Variants in LAMA2 observed in about 807,000 individuals in gnomAD.
The protein encoded by LAMA2 is laminin subunit alpha 2, also known as laminin subunit alpha-2.
LAMA2 carries 269 observed loss-of-function variants against 364.8 expected under a neutral mutation model. That is an observed-to-expected ratio of 0.74 (90% CI 0.67 to 0.82). LAMA2 has a LOEUF of 0.82. Ranked by LOEUF, LAMA2 falls within the 40% of genes least tolerant of loss-of-function variation. The pLI, the probability that LAMA2 is intolerant of heterozygous loss-of-function variation, is 0.00. For synonymous variants in LAMA2, 1,379 were observed against 1,370.6 expected, an observed-to-expected ratio of 1.01 and a Z score of -0.14; for missense variants, 3,807 against 3,873.2, an observed-to-expected ratio of 0.98 and a Z score of 0.45.
chr6:128,961,075 G>A (rs933480576), intron 1 of LAMA2, among the ~76,000 whole-genome samples: 14 of 151,218 alleles, frequency 9.3e-5, no homozygotes, highest in African/African-American at 3.2e-4. Context: ...ATATCCTCTC[G>A]GTAGGCTATT....
At chr6:129,322,595 A>C (rs541520255) in intron 28 of LAMA2, among the ~76,000 whole-genome samples, 17 of 152,308 alleles carry the variant, frequency 1.1e-4, no homozygotes, top group African/African-American at 3.8e-4. Flanking sequence ...AAGTTCTAAA[A>C]TTCTCTGATT....
chr6:128,895,108 G>GGTCTA (rs986395597), intron 1 of LAMA2, among the ~76,000 whole-genome samples: 31 of 152,224 alleles, frequency 2.0e-4, no homozygotes, highest in African/African-American at 7.0e-4. Context: ...TTTTACCTCA[G>GGTCTA]GTCTAGTCTA....
At position 129,502,696 on chromosome 6, in the gene LAMA2, T is replaced by C. The variant is rs115650537; in HGVS notation, c.8282T>C (p.Ile2761Thr). The C allele has an allele frequency of 1.6e-4, 266 of 1,614,016 alleles. No individual in the cohort carries two copies. The African/African-American group carries it at 3.3e-3, about 20-fold the overall frequency. Residue 2761 changes from isoleucine (I) to threonine (T), a missense_variant, in exon 59 of 65, where the codon ATA becomes ACA. By Grantham distance (89) the Ile-to-Thr change is moderately conservative. This residue lies in a region of LAMA2 where 3,333 missense variants were observed against 3,345.7 expected (regional missense o/e 1.00). Transcript: ENST00000421865. ...GCAGAATCAGAACCAGCTCTTTTGA[T>C]AGGGAGCAAGCAGTTCGGGCTTTCA... ...CAAESEPALL[I>T]GSKQFGLSRN...
chr6:129,092,814 A>G lies in LAMA2; in HGVS notation c.397-5359A>G, dbSNP rs150484284. Among the ~76,000 whole-genome samples, 1,176 of 152,294 alleles carry G rather than the reference A, an allele frequency of 7.7e-3. 17 individuals are homozygous for G. Among genetic ancestry groups the G allele is most frequent in the African/African-American group, 0.027 (1,134 of 41,556 alleles). On this transcript the variant is annotated intron_variant, in intron 3 of 64. Coordinates refer to ENST00000421865, the MANE Select transcript of LAMA2 (RefSeq NM_000426.4). ...CTTCCATAGAGAGTGACCTTCATTA[A>G]TATTTTTTACGGCTTTTGTGGAGAT...
Position 129,315,336 on chromosome 6 carries a change from T to C in LAMA2, c.3556-140T>C, listed in dbSNP as rs986245878. The C allele has an allele frequency of 5.6e-6, 4 of 716,420 alleles. No individual in the cohort carries two copies. The African/African-American group carries it at 7.1e-5, about 13-fold the overall frequency. 44.4% of individuals were successfully genotyped at this position (716,420 alleles called of 1,614,324 possible). A position where few individuals can be genotyped will look rare whatever the true frequency, so the allele number is the denominator to read the frequency against. Reference sequence around the variant, plus strand: ...TTTACGTCCTGCCATGCTTGCCCACTGCGTGTGAGTTCTGTTGCTTGTGAG... The same window carrying C: ...TTTACGTCCTGCCATGCTTGCCCACCGCGTGTGAGTTCTGTTGCTTGTGAG... On this transcript the variant is annotated intron_variant, in intron 24 of 64. Transcript: ENST00000421865.
chr6:129,358,444 T>C (rs1440746506), intron 32 of LAMA2, among the ~76,000 whole-genome samples: 1 of 152,016 alleles, frequency 6.6e-6, no homozygotes, highest in Non-Finnish European at 1.5e-5. Flanking sequence ...ATTTCTACTC[T>C]GGCAAGGCTC....
chr6:129,439,666 A>C (rs1469070523), intron 42 of LAMA2, among the ~76,000 whole-genome samples: 1 of 151,998 alleles, frequency 6.6e-6, no homozygotes, highest in Non-Finnish European at 1.5e-5. Context: ...GTTATTTTAA[A>C]GATACTACTT....
intron 1 of LAMA2, among the ~76,000 whole-genome samples, chr6:128,942,155 G>A (rs772421070): frequency 1.6e-4 from 24 of 151,856 alleles, no homozygotes; most frequent in Admixed American, 3.9e-4. Flanking sequence ...GCTCTGTTTC[G>A]GACATTAAGC....
chr6:129,244,136 G>A (rs1785582396), intron 12 of LAMA2, among the ~76,000 whole-genome samples: 1 of 152,018 alleles, frequency 6.6e-6, no homozygotes. Flanking sequence ...ATGCATTAAG[G>A]ATGATGTAAC....
intron 29 of LAMA2, among the ~76,000 whole-genome samples, chr6:129,339,917 C>T (rs1294763007): frequency 3.3e-5 from 5 of 151,614 alleles, no homozygotes; most frequent in African/African-American, 9.7e-5. Flanking sequence ...GCAGGAGAAT[C>T]GCTTGAACCT....
At chr6:129,129,111 C>A (rs1777296896) in intron 4 of LAMA2, among the ~76,000 whole-genome samples, 1 of 152,174 alleles carries the variant, frequency 6.6e-6, no homozygotes, top group Admixed American at 6.5e-5. Flanking sequence ...GAATTTTATA[C>A]TTCTACTCTG....
intron 28 of LAMA2, among the ~76,000 whole-genome samples, chr6:129,321,548 C>T (rs1774968428): frequency 1.3e-5 from 2 of 152,136 alleles, no homozygotes; most frequent in South Asian, 4.1e-4. Flanking sequence ...GGCTGGTGCT[C>T]ACAGCATACC....
At position 128,966,414 on chromosome 6, in the gene LAMA2, C is replaced by T. The variant is rs116381571; in HGVS notation, c.112+83057C>T. 9.3e-3 allele frequency among the ~76,000 whole-genome samples: 1,420 copies of T among 152,124 alleles called. 29 individuals carry two copies. The highest frequency in any genetic ancestry group is 0.033 in the African/African-American group (1,369 of 41,530). On this transcript the variant is annotated intron_variant, in intron 1 of 64. Transcript: ENST00000421865. ...AATTTCTACCTTCTGTGAACAACTT[C>T]TTGAAGACTGTTCTGTTGCTCTTGG...
chr6:129,473,818 C>T (rs1028044810), intron 52 of LAMA2, among the ~76,000 whole-genome samples: 1 of 151,924 alleles, frequency 6.6e-6, no homozygotes, highest in Admixed American at 6.6e-5. Context: ...AATACAAGAA[C>T]TATATTAGTT....
chr6:129,043,758 T>C (rs1424447842), intron 1 of LAMA2, among the ~76,000 whole-genome samples: 3 of 152,210 alleles, frequency 2.0e-5, no homozygotes, highest in African/African-American at 7.2e-5. Context: ...TATGTTCCTC[T>C]GAAGAGCACT....
intron 12 of LAMA2, among the ~76,000 whole-genome samples, chr6:129,208,028 G>T (rs1434760204): frequency 1.3e-5 from 2 of 152,142 alleles, no homozygotes; most frequent in Non-Finnish European, 2.9e-5. Flanking sequence ...AAACATTGAA[G>T]AACATGTTAT....
At chr6:128,988,531 T>C (rs1783413150) in intron 1 of LAMA2, among the ~76,000 whole-genome samples, 2 of 152,304 alleles carry the variant, frequency 1.3e-5, no homozygotes, top group South Asian at 4.1e-4. Context: ...GCAGCAGAGA[T>C]GCTACTGTCA....
At chr6:129,265,446 C>A (rs1161511600) in intron 15 of LAMA2, among the ~76,000 whole-genome samples, 1 of 152,132 alleles carries the variant, frequency 6.6e-6, no homozygotes, top group Non-Finnish European at 1.5e-5. Flanking sequence ...TAGATTAGTT[C>A]TCTCCCTTTT....
At chr6:129,036,466 A>G (rs1253290343) in intron 1 of LAMA2, among the ~76,000 whole-genome samples, 1 of 152,178 alleles carries the variant, frequency 6.6e-6, no homozygotes, top group Non-Finnish European at 1.5e-5. Context: ...TTGGTATTCT[A>G]TAAACATGCC....
Sources: gnomAD v4.1 joint callset for allele counts (sites outside exome capture counted in the v4.1 genomes callset) on GRCh38, gnomAD v4.1.1 for gene constraint, gnomAD v4.1.1 regional missense constraint, MANE v1.5 for transcripts, NCBI Gene and HGNC (gene_info 2026-07-23, HGNC 2026-07-21) for gene names.